RALGAPA1: variants seen among roughly 807,000 people sequenced by gnomAD.
RALGAPA1 encodes ral GTPase-activating protein subunit alpha-1.
A neutral mutation model predicts 269.6 loss-of-function variants in RALGAPA1; 52 were observed. The ratio of observed to expected loss-of-function variants is 0.19; its 90% CI spans 0.15 to 0.24. The LOEUF (loss-of-function observed/expected upper bound fraction) is 0.24. Among genes scored for constraint, RALGAPA1 ranks in the 10% least tolerant of loss-of-function variants. The pLI, the probability that RALGAPA1 is intolerant of heterozygous loss-of-function variation, is 1.00. For missense variants in RALGAPA1, 1,917 were observed against 3,013.9 expected, an observed-to-expected ratio of 0.64 and a Z score of 8.52; for synonymous variants, 817 against 1,008.3, an observed-to-expected ratio of 0.81 and a Z score of 3.60.
chr14:35,667,118 G>A (rs1030749724), intron 26 of RALGAPA1, among the ~76,000 whole-genome samples: 7 of 152,034 alleles, frequency 4.6e-5, no homozygotes, highest in African/African-American at 1.7e-4. Flanking sequence ...AAACTTAACT[G>A]TGGCCAGGCG....
chr14:35,662,654 T>C (rs935758552), intron 27 of RALGAPA1, among the ~76,000 whole-genome samples: 2 of 152,160 alleles, frequency 1.3e-5, no homozygotes, highest in African/African-American at 4.8e-5. Flanking sequence ...GGATAGTATA[T>C]AGTAGGCGAG....
intron 5 of RALGAPA1, among the ~76,000 whole-genome samples, chr14:35,762,135 C>A (rs2073755366): frequency 6.6e-6 from 1 of 152,056 alleles, no homozygotes. Context: ...TTCTGGGGAC[C>A]ATAAAGAGGA....
At chr14:35,774,046 T>C (rs1475852377) in intron 3 of RALGAPA1, among the ~76,000 whole-genome samples, 1 of 151,968 alleles carries the variant, frequency 6.6e-6, no homozygotes, top group East Asian at 1.9e-4. Flanking sequence ...CCTGAGTCAC[T>C]AGCACTACAA....
chr14:35,653,530 C>T (rs1436657472), intron 30 of RALGAPA1, among the ~76,000 whole-genome samples: 1 of 152,090 alleles, frequency 6.6e-6, no homozygotes, highest in Non-Finnish European at 1.5e-5. Flanking sequence ...AACAACATGG[C>T]ATTTCAAAGG....
intron 1 of RALGAPA1, among the ~76,000 whole-genome samples, chr14:35,783,903 C>T (rs1164010551): frequency 3.3e-5 from 5 of 152,036 alleles, no homozygotes; most frequent in Non-Finnish European, 7.4e-5. Context: ...ATCAGAAAGA[C>T]AGACAATACC....
intron 33 of RALGAPA1, among the ~76,000 whole-genome samples, chr14:35,629,002 G>A (rs1446408143): frequency 6.6e-6 from 1 of 152,072 alleles, no homozygotes; most frequent in South Asian, 2.1e-4. Flanking sequence ...GGGAGGGGAG[G>A]GGGAGAAGGA....
At chr14:35,677,386 T>C (rs1566978684) in intron 22 of RALGAPA1, 1 of 154,680 alleles carries the variant, frequency 6.5e-6, no homozygotes, top group Non-Finnish European at 1.4e-5. Context: ...TGTTACATTA[T>C]ACAAAATCTA....
Position 35,548,493 on chromosome 14 carries a change from G to A in RALGAPA1, c.*23+15C>T, listed in dbSNP as rs1206422627. The A allele has an allele frequency of 5.8e-6, 9 of 1,544,874 alleles. No homozygotes were observed. The highest frequency in any genetic ancestry group is 7.0e-6 in the Non-Finnish European group (8 of 1,144,012). ...GAGAAGAACAGAGGGTGTTTTGGTTGACACTTTGTCTTACCTTCAGATAAA... is the reference window on the plus strand; with the variant it reads ...GAGAAGAACAGAGGGTGTTTTGGTTAACACTTTGTCTTACCTTCAGATAAA... On this transcript the variant is annotated intron_variant, in intron 41 of 41. Coordinates refer to ENST00000680220, the MANE Select transcript of RALGAPA1 (RefSeq NM_001346249.2).
At chr14:35,662,239 T>C (rs2063584628) in intron 27 of RALGAPA1, among the ~76,000 whole-genome samples, 1 of 152,136 alleles carries the variant, frequency 6.6e-6, no homozygotes, top group Admixed American at 6.5e-5. Flanking sequence ...TCTATGTGTT[T>C]GGGGTGATAA....
At chr14:35,644,935 G>C (rs1177573576) in intron 31 of RALGAPA1, among the ~76,000 whole-genome samples, 1 of 152,152 alleles carries the variant, frequency 6.6e-6, no homozygotes, top group Non-Finnish European at 1.5e-5. Flanking sequence ...AAGAATTGGA[G>C]GTGTCAGTGT....
At chr14:35,622,063 A>C (rs2060664817) in intron 35 of RALGAPA1, among the ~76,000 whole-genome samples, 1 of 152,214 alleles carries the variant, frequency 6.6e-6, no homozygotes, top group Non-Finnish European at 1.5e-5. Context: ...ACACATGTAC[A>C]CATATGTTTA....
chr14:35,657,842 T>C (rs974563318), intron 28 of RALGAPA1, among the ~76,000 whole-genome samples: 3 of 152,108 alleles, frequency 2.0e-5, no homozygotes, highest in Non-Finnish European at 2.9e-5. Context: ...GGGCAGATTA[T>C]TGAAATTCCC....
chr14:35,740,772 C>A (rs1238553047), intron 11 of RALGAPA1, among the ~76,000 whole-genome samples: 1 of 152,152 alleles, frequency 6.6e-6, no homozygotes, highest in African/African-American at 2.4e-5. Flanking sequence ...CATGCCACTG[C>A]ATTCCAACCA....
intron 35 of RALGAPA1, among the ~76,000 whole-genome samples, chr14:35,617,768 G>C (rs2060356402): frequency 6.7e-6 from 1 of 148,900 alleles, no homozygotes; most frequent in African/African-American, 2.5e-5. Context: ...TTATAAAAAA[G>C]AAAATAATGA....
chr14:35,646,970 A>G (rs1204324508), intron 31 of RALGAPA1, among the ~76,000 whole-genome samples: 1 of 152,198 alleles, frequency 6.6e-6, no homozygotes, highest in African/African-American at 2.4e-5. Flanking sequence ...ATTCCACCAT[A>G]AAACTCAAAT....
chr14:35,703,286 A>C (rs528124416), intron 16 of RALGAPA1, among the ~76,000 whole-genome samples: 45 of 152,318 alleles, frequency 3.0e-4, no homozygotes, highest in African/African-American at 1.1e-3. Context: ...TGCCTGGGCA[A>C]CTGAGGGAGA....
intron 1 of RALGAPA1, among the ~76,000 whole-genome samples, chr14:35,802,311 AAAAT>A (rs780608802): frequency 1.3e-5 from 2 of 152,132 alleles, no homozygotes; most frequent in South Asian, 4.2e-4. Context: ...CTGTCTCAAA[AAAAT>A]AAATAAATAA....
Position 35,657,690 on chromosome 14 carries a change from T to TATA in RALGAPA1, c.5387+1447_5387+1448insTAT, listed in dbSNP as rs528310943. On this transcript the variant is annotated intron_variant, in intron 28 of 41. Coordinates refer to ENST00000680220, the MANE Select transcript of RALGAPA1 (RefSeq NM_001346249.2). ...TTGAGAAGCAACATATATATATATA[T>TATA]TTTTTTTTTTTTTTGGTAAAAAAAA... 7.9e-3 allele frequency among the ~76,000 whole-genome samples: 1,122 copies of TATA among 141,614 alleles called. 10 individuals are homozygous for TATA. Among genetic ancestry groups the TATA allele is most frequent in the African/African-American group, 0.027 (1,043 of 38,068 alleles). 92.9% of individuals were successfully genotyped at this position (141,614 alleles called of 152,430 possible).
chr14:35,548,574 G>T, intron 40 of RALGAPA1, 36 bp from the exon 41 acceptor site: 1 of 1,436,490 alleles, frequency 7.0e-7, no homozygotes, highest in South Asian at 1.2e-5. Context: ...ATCATAAGGA[G>T]AGCAAGATAT....
Sources: allele counts gnomAD v4.1 joint callset (sites outside exome capture counted in the v4.1 genomes callset), GRCh38; gene constraint gnomAD v4.1.1; transcripts MANE v1.5; gene names NCBI Gene and HGNC (gene_info 2026-07-23, HGNC 2026-07-21).